The following BCL2L13 variants were observed in gnomAD, a reference collection of about 807,000 sequenced individuals.
BCL2L13 encodes bcl-2-like protein 13.
A neutral mutation model predicts 25.8 loss-of-function variants in BCL2L13; 13 were observed. The observed-to-expected ratio is 0.50, with a 90% CI of 0.33 to 0.80. BCL2L13 has a LOEUF of 0.80. Among genes scored for constraint, BCL2L13 ranks in the 30% least tolerant of loss-of-function variants. BCL2L13 has a pLI of 0.02. For missense variants in BCL2L13, 504 were observed against 574.9 expected (o/e 0.88, Z 1.26); for synonymous variants, 244 against 230.3 (o/e 1.06, Z -0.54).
chr22:17,652,889 CCT>C (rs1287710097), intron 1 of BCL2L13, among the ~76,000 whole-genome samples: 2 of 151,982 alleles, frequency 1.3e-5, no homozygotes, highest in Non-Finnish European at 2.9e-5. Flanking sequence ...ACGGTGAAAC[CCT>C]GTCTCTACTA....
chr22:17,672,201 C>G (rs553763549), intron 2 of BCL2L13, among the ~76,000 whole-genome samples: 3 of 152,198 alleles, frequency 2.0e-5, no homozygotes, highest in Non-Finnish European at 4.4e-5. Flanking sequence ...AAACAAAGAT[C>G]ATGGAGCTCT....
At chr22:17,648,612 C>T (rs1463098785) in intron 1 of BCL2L13, among the ~76,000 whole-genome samples, 1 of 151,652 alleles carries the variant, frequency 6.6e-6, no homozygotes, top group Non-Finnish European at 1.5e-5. Context: ...ACCAGAATAA[C>T]AAATATGCAT....
At chr22:17,713,649 A>G (rs1270474397) in intron 6 of BCL2L13, among the ~76,000 whole-genome samples, 5 of 151,434 alleles carry the variant, frequency 3.3e-5, no homozygotes, top group Non-Finnish European at 4.4e-5. Flanking sequence ...TTTAGTAGAG[A>G]TGGGGTTTCA....
At chr22:17,644,403 T>C (rs1234510431) in intron 1 of BCL2L13, among the ~76,000 whole-genome samples, 9 of 150,516 alleles carry the variant, frequency 6.0e-5, no homozygotes, top group Non-Finnish European at 1.3e-4. Flanking sequence ...CTATCTCGGC[T>C]CACTGCAATC....
intron 5 of BCL2L13, among the ~76,000 whole-genome samples, chr22:17,697,997 G>T (rs956518199): frequency 6.6e-6 from 1 of 151,980 alleles, no homozygotes; most frequent in Non-Finnish European, 1.5e-5. Context: ...TGTATTCTTA[G>T]TAGAGATGGG....
Position 17,698,555 on chromosome 22 carries a change from T to TGA in BCL2L13, c.456+2345_456+2346insGA, listed in dbSNP as rs1381220605. Among the ~76,000 whole-genome samples the TGA allele has an allele frequency of 2.0e-3, 194 of 97,754 alleles. 6 individuals are homozygous for TGA. The highest frequency in any genetic ancestry group is 3.1e-3 in the Non-Finnish European group (167 of 53,388). The allele number at this position is 97,754 out of a possible 152,430, so 64.1% of individuals were successfully genotyped here. A position where few individuals can be genotyped will look rare whatever the true frequency, so the allele number is the denominator to read the frequency against. On this transcript the variant is annotated intron_variant, in intron 5 of 6. Transcript: ENST00000317582. ...GGGCAACATAGCAAGACCCTGTCTC[T>TGA]TAAAAAAAAAAAAAAAAAAAAAGCC... is the stretch of plus-strand genomic sequence containing the variant.
At chr22:17,642,888 C>T (rs2058343312) in intron 1 of BCL2L13, among the ~76,000 whole-genome samples, 1 of 152,184 alleles carries the variant, frequency 6.6e-6, no homozygotes, top group Non-Finnish European at 1.5e-5. Context: ...TGAACCACCA[C>T]ACCTGGTCTG....
intron 2 of BCL2L13, among the ~76,000 whole-genome samples, chr22:17,658,148 TTCTTCATC>T (rs1937951574): frequency 6.6e-6 from 1 of 150,462 alleles, no homozygotes; most frequent in African/African-American, 2.5e-5. Context: ...AATTCACCCT[TTCTTCATC>T]TCTCTTTAAG....
In BCL2L13 at chr22:17,638,825, C is replaced by G. The variant is rs1016023015; in HGVS notation, c.-112C>G. 8.1e-7 allele frequency: 1 copy of G among 1,231,994 alleles called. No homozygotes were observed. The highest frequency in any genetic ancestry group is 4.2e-5 in the Admixed American group (1 of 23,712). 76.3% of individuals were successfully genotyped at this position (1,231,994 alleles called of 1,614,324 possible). ...GAGCACTCACCGCCGCTGGGGGACC[C>G]TGTCGGAAGCAACTGCCGCCGCCGC... On this transcript the variant is annotated 5_prime_UTR_variant, in exon 1 of 7. Transcript: ENST00000317582.
chr22:17,631,666 G>GTA (rs1568903492), intron 1 of BCL2L13, among the ~76,000 whole-genome samples: 37 of 21,394 alleles, frequency 1.7e-3, no homozygotes, highest in African/African-American at 5.9e-3. Context: ...GTATGTGTGT[G>GTA]TGTGTATATA....
chr22:17,667,395 T>G (rs1043168160), intron 2 of BCL2L13, among the ~76,000 whole-genome samples: 1 of 152,148 alleles, frequency 6.6e-6, no homozygotes, highest in Non-Finnish European at 1.5e-5. Context: ...AGTCTCGAAC[T>G]CCTGACCTCA....
At chr22:17,631,684 A>ATATATATATATATT (rs2058024304) in intron 1 of BCL2L13, among the ~76,000 whole-genome samples, 1 of 32,830 alleles carries the variant, frequency 3.0e-5, no homozygotes, top group African/African-American at 8.8e-5. Context: ...ATATATATAT[A>ATATATATATATATT]TATATATATA....
intron 3 of BCL2L13, among the ~76,000 whole-genome samples, chr22:17,687,719 G>T (rs531209093): frequency 6.6e-6 from 1 of 151,270 alleles, no homozygotes; most frequent in South Asian, 2.1e-4. Context: ...GGGTTTCACC[G>T]TGTTAGCCAG....
intron 2 of BCL2L13, among the ~76,000 whole-genome samples, chr22:17,666,247 A>G (rs934285450): frequency 2.6e-5 from 4 of 151,432 alleles, no homozygotes; most frequent in African/African-American, 7.3e-5. Context: ...TAGTAGGTGT[A>G]TATATATATT....
chr22:17,637,035 G>C (rs1349568261), upstream of BCL2L13, among the ~76,000 whole-genome samples: 3 of 152,142 alleles, frequency 2.0e-5, no homozygotes, highest in Non-Finnish European at 4.4e-5. Context: ...CACTTTGGGA[G>C]GCTGAGGCAG....
intron 2 of BCL2L13, among the ~76,000 whole-genome samples, chr22:17,681,205 GA>G (rs796807685): frequency 6.6e-5 from 10 of 152,120 alleles, no homozygotes; most frequent in African/African-American, 2.4e-4. Context: ...CAGGGACGGG[GA>G]AAGAAGGAGA....
chr22:17,710,016 G>GC (rs2145750675), intron 6 of BCL2L13, among the ~76,000 whole-genome samples: 1 of 128,888 alleles, frequency 7.8e-6, no homozygotes, highest in African/African-American at 3.0e-5. Context: ...GCTGCAGTAA[G>GC]CCAAGATTGC....
intron 6 of BCL2L13, among the ~76,000 whole-genome samples, chr22:17,726,251 C>T (rs2061293725): frequency 1.3e-5 from 2 of 151,420 alleles, no homozygotes; most frequent in African/African-American, 2.4e-5. Flanking sequence ...CTGGGAAGGC[C>T]GAAGCAGGAG....
In BCL2L13 at chr22:17,727,489, C is replaced by T. The variant is rs1380655611; in HGVS notation, c.1413C>T (p.Ile471=). The change falls in exon 7 of 7, where the codon ATC becomes ATT. Residue 471 remains isoleucine (I), a synonymous_variant. Coordinates refer to ENST00000317582, the MANE Select transcript of BCL2L13 (RefSeq NM_015367.4). The part of the protein sequence containing the change: ...LLFGGAAAVA[I]LAVAIGVALA... Reference sequence around the variant, plus strand: ...TTGGAGGGGCTGCTGCTGTTGCCATCCTGGCAGTGGCCATCGGGGTAGCCC... The same window carrying T: ...TTGGAGGGGCTGCTGCTGTTGCCATTCTGGCAGTGGCCATCGGGGTAGCCC... 2 of 1,614,126 alleles carry T rather than the reference C, an allele frequency of 1.2e-6. No homozygotes were observed. The highest frequency in any genetic ancestry group is 2.7e-5 in the African/African-American group (2 of 74,938).
Sources: allele counts gnomAD v4.1 joint callset (sites outside exome capture counted in the v4.1 genomes callset), GRCh38; gene constraint gnomAD v4.1.1; transcripts MANE v1.5; gene names NCBI Gene and HGNC (gene_info 2026-07-23, HGNC 2026-07-21).